The following SLC24A3 variants were observed in gnomAD, a reference collection of about 807,000 sequenced individuals.
SLC24A3 encodes the protein sodium/potassium/calcium exchanger 3.
In SLC24A3, 28 loss-of-function variants were observed where a neutral mutation model predicts 75.8. The observed-to-expected ratio is 0.37, with a 90% confidence interval of 0.27 to 0.51. SLC24A3 has a LOEUF of 0.51. Among genes scored for constraint, SLC24A3 ranks in the 20% least tolerant of loss-of-function variants. The pLI is 0.94. For missense variants in SLC24A3, 663 were observed against 847.8 expected (o/e 0.78, Z 2.71); for synonymous variants, 372 against 334.1 (o/e 1.11, Z -1.24).
chr20:19,345,618 G>A (rs375433854), intron 2 of SLC24A3, among the ~76,000 whole-genome samples: 2 of 152,238 alleles, frequency 1.3e-5, no homozygotes, highest in African/African-American at 4.8e-5. Context: ...CCATCAAAAA[G>A]TGGGCTAAGG....
chr20:19,721,042 G>A lies in SLC24A3; in HGVS notation c.1837G>A (p.Gly613Arg). Residue 613 changes from glycine to arginine, a missense_variant, in exon 17 of 17, where the codon GGG becomes AGG. Coordinates refer to ENST00000328041, the MANE Select transcript of SLC24A3 (RefSeq NM_020689.4). ...KWQLDKKLGC[G>R]CLLLYGVFLC... ...GCAGCTGGACAAGAAGCTGGGCTGT[G>A]GGTGCCTCCTCCTGTATGGTGTGTT... 6.2e-7 allele frequency: 1 copy of A among 1,614,088 alleles called. No homozygotes were observed. Among genetic ancestry groups the A allele is most frequent in the Non-Finnish European group, 8.5e-7 (1 of 1,180,024 alleles).
At chr20:19,591,618 A>C (rs901805132) in intron 6 of SLC24A3, among the ~76,000 whole-genome samples, 2 of 152,000 alleles carry the variant, frequency 1.3e-5, no homozygotes. Flanking sequence ...CCATCCCCCC[A>C]TAGCATCATC....
intron 2 of SLC24A3, among the ~76,000 whole-genome samples, chr20:19,489,674 GAATTTT>G: frequency 6.6e-6 from 1 of 152,180 alleles, no homozygotes; most frequent in African/African-American, 2.4e-5. Context: ...CTGATCAGGG[GAATTTT>G]AACTGTTGTT....
intron 2 of SLC24A3, among the ~76,000 whole-genome samples, chr20:19,337,496 T>C (rs941398501): frequency 2.0e-5 from 3 of 152,048 alleles, no homozygotes; most frequent in Admixed American, 2.0e-4. Flanking sequence ...TAAATAAAAG[T>C]CCACACATGG....
intron 3 of SLC24A3, among the ~76,000 whole-genome samples, chr20:19,542,000 A>G (rs978381435): frequency 3.9e-5 from 6 of 152,198 alleles, no homozygotes; most frequent in Non-Finnish European, 8.8e-5. Context: ...CCAACGCAAT[A>G]CCAAATGAGA....
intron 15 of SLC24A3, among the ~76,000 whole-genome samples, chr20:19,705,941 T>G (rs1358623272): frequency 6.6e-6 from 1 of 152,226 alleles, no homozygotes; most frequent in African/African-American, 2.4e-5. Flanking sequence ...TGAGCACTTC[T>G]TGTTCCATTA....
At chr20:19,247,239 C>G (rs536785284) in intron 1 of SLC24A3, among the ~76,000 whole-genome samples, 1 of 152,276 alleles carries the variant, frequency 6.6e-6, no homozygotes, top group South Asian at 2.1e-4. Flanking sequence ...TGAGGCATTG[C>G]CTGGTGAGTG....
At chr20:19,633,677 C>T (rs1244984591) in intron 6 of SLC24A3, among the ~76,000 whole-genome samples, 1 of 149,904 alleles carries the variant, frequency 6.7e-6, no homozygotes, top group East Asian at 2.0e-4. Flanking sequence ...AAAAGAATGC[C>T]AGTAGTATTG....
chr20:19,481,228 G>A (rs1988048023), intron 2 of SLC24A3, among the ~76,000 whole-genome samples: 2 of 152,250 alleles, frequency 1.3e-5, no homozygotes, highest in African/African-American at 4.8e-5. Context: ...TGGCTTGTCA[G>A]TGTGCCCAAA....
intron 1 of SLC24A3, 84 bp downstream of exon 1, chr20:19,213,068 G>A: frequency 8.8e-7 from 1 of 1,135,208 alleles, no homozygotes; most frequent in Non-Finnish European, 1.1e-6. Context: ...GCTCCTTCGG[G>A]CGGCCCGGCC....
chr20:19,650,748 C>T (rs915896873), intron 6 of SLC24A3, among the ~76,000 whole-genome samples: 1 of 152,148 alleles, frequency 6.6e-6, no homozygotes, highest in Non-Finnish European at 1.5e-5. Context: ...CATAGTTGAG[C>T]CATTAATACA....
In SLC24A3 at chr20:19,533,603, G is replaced by C. The variant is rs2030343726; in HGVS notation, c.348+18039G>C. On this transcript the variant is annotated intron_variant, in intron 3 of 16. Transcript: ENST00000328041. ...AGGCAGAGGGGAGAGAGAACACCAA[G>C]CACCTGTGCTTATAAATATAGGGCA... 2.0e-5 allele frequency among the ~76,000 whole-genome samples: 3 copies of C among 152,314 alleles called. No individual in the cohort carries two copies. In the South Asian group the frequency reaches 6.2e-4, roughly 32 times the overall value.
intron 3 of SLC24A3, among the ~76,000 whole-genome samples, chr20:19,555,101 G>C (rs561841063): frequency 6.6e-6 from 1 of 152,274 alleles, no homozygotes; most frequent in African/African-American, 2.4e-5. Flanking sequence ...CGTAGCCTCA[G>C]CAACTTGCAG....
chr20:19,450,694 T>G (rs140619851), intron 2 of SLC24A3, among the ~76,000 whole-genome samples: 1 of 152,132 alleles, frequency 6.6e-6, no homozygotes, highest in African/African-American at 2.4e-5. Flanking sequence ...GATGATACCT[T>G]GATTCAAATT....
intron 13 of SLC24A3, among the ~76,000 whole-genome samples, chr20:19,696,006 T>A (rs1035594307): frequency 1.1e-4 from 13 of 113,644 alleles, no homozygotes; most frequent in African/African-American, 3.5e-4. Context: ...TTCCCCTTTT[T>A]TTCCTTTTCT....
intron 6 of SLC24A3, among the ~76,000 whole-genome samples, chr20:19,616,952 C>T (rs186820703): frequency 6.6e-6 from 1 of 152,274 alleles, no homozygotes; most frequent in East Asian, 1.9e-4. Context: ...CAAACGCCTA[C>T]TCTTTCTTTC....
At chr20:19,305,176 T>C (rs1021002962) in intron 2 of SLC24A3, among the ~76,000 whole-genome samples, 8 of 152,024 alleles carry the variant, frequency 5.3e-5, no homozygotes, top group Non-Finnish European at 8.8e-5. Context: ...TTCCCCAGAG[T>C]TAGTTTCCTT....
At chr20:19,329,034 T>C (rs1984934025) in intron 2 of SLC24A3, among the ~76,000 whole-genome samples, 1 of 152,054 alleles carries the variant, frequency 6.6e-6, no homozygotes, top group African/African-American at 2.4e-5. Context: ...TGTGGATGCA[T>C]CAGGCGACTC....
chr20:19,595,355 C>T (rs972270075), intron 6 of SLC24A3, among the ~76,000 whole-genome samples: 4 of 152,170 alleles, frequency 2.6e-5, no homozygotes, highest in African/African-American at 4.8e-5. Flanking sequence ...TCGATAAGGG[C>T]CTGGCTAGCT....
Sources: gnomAD v4.1 joint callset for allele counts (sites outside exome capture counted in the v4.1 genomes callset) on GRCh38, gnomAD v4.1.1 for gene constraint, MANE v1.5 for transcripts, NCBI Gene and HGNC (gene_info 2026-07-23, HGNC 2026-07-21) for gene names.